The following NOBOX variants were observed in gnomAD, a reference collection of about 807,000 sequenced individuals.
NOBOX encodes the protein homeobox protein NOBOX.
Under a neutral mutation model 60.2 loss-of-function variants are expected in NOBOX, and 46 were observed. That is an observed-to-expected ratio of 0.76 (90% confidence interval 0.60 to 0.98). NOBOX has a LOEUF of 0.98. Ranked by LOEUF, NOBOX falls within the 50% of genes least tolerant of loss-of-function variation. NOBOX has a pLI of 0.00. For missense variants in NOBOX, 880 were observed against 865.5 expected, an observed-to-expected ratio of 1.02 and a Z score of -0.21; for synonymous variants, 360 against 346.3, an observed-to-expected ratio of 1.04 and a Z score of -0.44.
chr7:144,405,217 C>T (rs1161959057), intron 1 of NOBOX, among the ~76,000 whole-genome samples: 4 of 152,080 alleles, frequency 2.6e-5, no homozygotes, highest in Non-Finnish European at 5.9e-5. Context: ...TTTTATGAGG[C>T]GTTCAGATAG....
In NOBOX at chr7:144,401,843, G is replaced by C. The variant is rs374250513; in HGVS notation, c.292+26C>G. On this transcript the variant is annotated intron_variant, in intron 3 of 9. Transcript: ENST00000467773. The surrounding 1 kb of genome is among the most constrained non-coding windows in gnomAD (Gnocchi z 4.2). The stretch of plus-strand genomic sequence containing the variant: ...AATTCTGAGACGGCGTTAGCTCATG[G>C]TATCTCCTAATTTGGGGGTACTCAC... 1.4e-6 allele frequency: 2 copies of C among 1,464,298 alleles called. No homozygotes were observed. Among genetic ancestry groups the C allele is most frequent in the Non-Finnish European group, 1.9e-6 (2 of 1,048,674 alleles). The allele number at this position is 1,464,298 out of a possible 1,614,324, so 90.7% of individuals were successfully genotyped here.
rs1369270119 is a variant in NOBOX, at chr7:144,401,837, C to T, written c.292+32G>A. ...TTATGCAATTCTGAGACGGCGTTAG[C>T]TCATGGTATCTCCTAATTTGGGGGT... On this transcript the variant is annotated intron_variant, in intron 3 of 9. Coordinates refer to ENST00000467773, the MANE Select transcript of NOBOX (RefSeq NM_001080413.3). This position sits in a 1 kb window ranked among gnomAD's most constrained non-coding sequence, Gnocchi z 4.2. 7.0e-7 allele frequency: 1 copy of T among 1,426,002 alleles called. No individual in the cohort carries two copies. The highest frequency in any genetic ancestry group is 9.9e-7 in the Non-Finnish European group (1 of 1,014,728). 88.3% of individuals were successfully genotyped at this position (1,426,002 alleles called of 1,614,324 possible). A position where few individuals can be genotyped will look rare whatever the true frequency, so the allele number is the denominator to read the frequency against.
chr7:144,406,375 T>A (rs2053985818), intron 1 of NOBOX, among the ~76,000 whole-genome samples: 1 of 152,106 alleles, frequency 6.6e-6, no homozygotes, highest in Non-Finnish European at 1.5e-5. Flanking sequence ...CTGGCCAACA[T>A]GGTGAAACCC....
intron 8 of NOBOX, 107 bp from the exon 7 acceptor site, chr7:144,398,693 A>G: frequency 3.7e-6 from 3 of 813,024 alleles, no homozygotes; most frequent in Non-Finnish European, 5.9e-6. Flanking sequence ...TCTCCATGGT[A>G]AGCCCAGCCT....
intron 4 of NOBOX, among the ~76,000 whole-genome samples, chr7:144,400,559 A>G (rs923621576): frequency 1.3e-5 from 2 of 152,040 alleles, no homozygotes; most frequent in African/African-American, 4.8e-5. Context: ...TCTTTTTTAG[A>G]CGGAGTCTCA....
rs1363745151 is a variant in NOBOX, at chr7:144,401,119, G to C, written c.771C>G (p.Asn257Lys). The change falls in exon 4 of 10, where the codon AAC becomes AAG. Residue 257 changes from asparagine (N) to lysine (K), a missense_variant. Asn to Lys is a moderately conservative substitution (Grantham distance 94). Coordinates refer to ENST00000467773, the MANE Select transcript of NOBOX (RefSeq NM_001080413.3). This position sits in a 1 kb window ranked among gnomAD's most constrained non-coding sequence, Gnocchi z 4.2. ...CCGGGGGCCCCTGCTTGTGGTCTCTGTTTTGGTTGCTCTGCGCCAATGTAC... is the reference window on the plus strand; with the variant it reads ...CCGGGGGCCCCTGCTTGTGGTCTCTCTTTTGGTTGCTCTGCGCCAATGTAC... 7 of 1,571,346 alleles carry C rather than the reference G, an allele frequency of 4.5e-6. No individual in the cohort carries two copies. The highest frequency in any genetic ancestry group is 1.2e-5 in the South Asian group (1 of 84,050).
At chr7:144,400,792 C>G (rs1410804431) in intron 4 of NOBOX, among the ~76,000 whole-genome samples, 1 of 152,236 alleles carries the variant, frequency 6.6e-6, no homozygotes, top group Non-Finnish European at 1.5e-5. Flanking sequence ...CCTGCCTCGG[C>G]CTCCCAAAGT....
chr7:144,399,520 T>G, intron 6 of NOBOX, 38 bp from the exon 5 acceptor site: 1 of 1,507,684 alleles, frequency 6.6e-7, no homozygotes, highest in Non-Finnish European at 9.0e-7. Context: ...GCTTTGGTGG[T>G]CTCTGGATTT....
intron 8 of NOBOX, among the ~76,000 whole-genome samples, 154 bp from the exon 7 acceptor site, chr7:144,398,740 C>T (rs1313880098): frequency 1.3e-5 from 2 of 152,020 alleles, no homozygotes; most frequent in Non-Finnish European, 2.9e-5. Flanking sequence ...TCCCCACTCC[C>T]GCTCCTAGCA....
At chr7:144,405,083 T>C (rs1048075673) in intron 1 of NOBOX, among the ~76,000 whole-genome samples, 2 of 152,224 alleles carry the variant, frequency 1.3e-5, no homozygotes, top group East Asian at 3.8e-4. Context: ...ATGTGGACTT[T>C]GGAGGATTGT....
At position 144,397,541 on chromosome 7, in the gene NOBOX, C is replaced by T; in HGVS notation, c.1775G>A (p.Gly592Asp). Residue 592 changes from glycine (G) to aspartate (D), a missense_variant and splice_region_variant, in exon 10 of 10, where the codon GGT (glycine) becomes GAT (aspartate). Transcript: ENST00000467773. ...ACAGGGGTCACTCCAGGAGGCTGTACCTGTGGGGTCGGAGGGTGTAGGAAT... is the reference window on the plus strand; with the variant it reads ...ACAGGGGTCACTCCAGGAGGCTGTATCTGTGGGGTCGGAGGGTGTAGGAAT... 1 of 1,518,184 alleles carries T rather than the reference C, an allele frequency of 6.6e-7. No individual in the cohort carries two copies. The highest frequency in any genetic ancestry group is 8.8e-7 in the Non-Finnish European group (1 of 1,135,228). The allele number at this position is 1,518,184 out of a possible 1,614,324, so 94.0% of individuals were successfully genotyped here.
chr7:144,399,886 A>C (rs2053924380), intron 5 of NOBOX, 23 bp from the exon 4 acceptor site: 1 of 1,578,840 alleles, frequency 6.3e-7, no homozygotes, highest in Non-Finnish European at 8.7e-7. Flanking sequence ...AGGTGCTTGA[A>C]GAACTGGAGA....
At chr7:144,402,878 TC>T (rs1000398729) in intron 2 of NOBOX, among the ~76,000 whole-genome samples, 1 of 148,074 alleles carries the variant, frequency 6.8e-6, no homozygotes, top group African/African-American at 2.5e-5. Context: ...TGCCTCTGCC[TC>T]CCAAGTAGCT....
chr7:144,397,076 T>C (rs2053897626), downstream of NOBOX, among the ~76,000 whole-genome samples: 1 of 152,042 alleles, frequency 6.6e-6, no homozygotes, highest in South Asian at 2.1e-4. Context: ...CAGCCCTCTT[T>C]CTTCCTTCTC....
At position 144,398,288 on chromosome 7, in the gene NOBOX, T is replaced by TCC; in HGVS notation, c.1766_1767dup (p.Asn590GlyfsTer3). On this transcript the variant is annotated frameshift_variant, in exon 9 of 10. Transcript: ENST00000467773. LOFTEE classifies it low-confidence loss of function (END_TRUNC). ...TCTCCCAGCCTCAACTCACCTATATTCCCAGCAGGTGGTTGCATCAGGATC... is the reference window on the plus strand; with the variant it reads ...TCTCCCAGCCTCAACTCACCTATATTCCCCCAGCAGGTGGTTGCATCAGGATC... 6.5e-7 allele frequency: 1 copy of TCC among 1,537,122 alleles called. No homozygotes were observed. The highest frequency in any genetic ancestry group is 8.7e-7 in the Non-Finnish European group (1 of 1,146,910).
At chr7:144,403,759 G>A (rs889279050) in intron 2 of NOBOX, 66 bp from the exon 1 acceptor site, 2 of 655,020 alleles carry the variant, frequency 3.1e-6, no homozygotes, top group African/African-American at 4.0e-5. Context: ...AGCCTCGCCG[G>A]GCGGGCAGGT....
At chr7:144,406,917 G>A (rs1368330717) in intron 1 of NOBOX, among the ~76,000 whole-genome samples, 1 of 152,066 alleles carries the variant, frequency 6.6e-6, no homozygotes, top group Non-Finnish European at 1.5e-5. Context: ...CTGTTTGGTT[G>A]CATTTCATCT....
chr7:144,404,563 AG>A lies in NOBOX; in HGVS notation c.202del (p.Leu68SerfsTer9). ...AGCGCTCGCCCCCCGTACTGATTTG[AG>A]GGTCTCCAGAGCACAAAGGCTGCAC... On this transcript the variant is annotated frameshift_variant, in exon 2 of 10. Transcript: ENST00000467773. LOFTEE classifies it high-confidence loss of function. 2.5e-6 allele frequency: 4 copies of A among 1,612,970 alleles called. No individual in the cohort carries two copies. The highest frequency in any genetic ancestry group is 3.4e-6 in the Non-Finnish European group (4 of 1,179,656).
At chr7:144,407,098 T>C (rs763234023) in intron 1 of NOBOX, among the ~76,000 whole-genome samples, 58 of 152,034 alleles carry the variant, frequency 3.8e-4, no homozygotes, top group Non-Finnish European at 6.2e-4. Flanking sequence ...AATCTTTTTT[T>C]CCCCTCACAG....
Sources: gnomAD v4.1 joint callset for allele counts (sites outside exome capture counted in the v4.1 genomes callset) on GRCh38, gnomAD v4.1.1 for gene constraint, Gnocchi (gnomAD v3.1) non-coding constraint, MANE v1.5 for transcripts, NCBI Gene and HGNC (gene_info 2026-07-23, HGNC 2026-07-21) for gene names.